CNTN2: variants seen among roughly 807,000 people sequenced by gnomAD.
CNTN2 encodes contactin 2, also known as contactin-2.
A neutral mutation model predicts 117.5 loss-of-function variants in CNTN2; 53 were observed. The observed-to-expected ratio is 0.45, with a 90% CI of 0.36 to 0.57. CNTN2 has a LOEUF of 0.57. Ranked by LOEUF, CNTN2 falls within the 20% of genes least tolerant of loss-of-function variation. CNTN2 has a pLI of 0.00. For synonymous variants in CNTN2, 530 were observed against 561.7 expected (o/e 0.94, Z 0.80); for missense variants, 1,106 against 1,404.3 (o/e 0.79, Z 3.39).
rs771294491 is a variant in CNTN2 at position 205,066,560 on chromosome 1, C to T, written c.1936C>T (p.Arg646Cys). ...CATCGCTAAGTACACCCTGCAAGCT[C>T]GCACTCCACCTGCAGGGAAGTGGAA... ...SPIAKYTLQA[R>C]TPPAGKWKQV... The change falls in exon 15 of 23, where the codon CGC (arginine) becomes TGC (cysteine). Residue 646 changes from arginine (R) to cysteine (C), a missense_variant. Physicochemically the swap from Arg to Cys is radical, Grantham distance 180. Coordinates refer to ENST00000331830, the MANE Select transcript of CNTN2 (RefSeq NM_005076.5). 1.8e-5 allele frequency: 29 copies of T among 1,613,926 alleles called. No individual in the cohort carries two copies. The highest frequency in any genetic ancestry group is 3.3e-4 in the Middle Eastern group (2 of 6,084).
Position 205,061,903 on chromosome 1 carries a change from G to A in CNTN2, c.1012G>A (p.Ala338Thr), listed in dbSNP as rs1356289053. 1 of 1,586,890 alleles carries A rather than the reference G, an allele frequency of 6.3e-7. No individual in the cohort carries two copies. Among genetic ancestry groups the A allele is most frequent in the South Asian group, 1.1e-5 (1 of 87,502 alleles). Residue 338 changes from alanine (A) to threonine (T), a missense_variant, in exon 9 of 23, where the codon GCT (alanine) becomes ACT (threonine). Coordinates refer to ENST00000331830, the MANE Select transcript of CNTN2 (RefSeq NM_005076.5). This position sits in a 1 kb window ranked among gnomAD's most constrained non-coding sequence, Gnocchi z 4.8. ...GCTAAAAGTGATCTCGGACACAGAG[G>A]CTGACATTGGCTCCAACCTGCGTTG... Reference protein sequence around the residue: ...EWLKVISDTEADIGSNLRWGC... With the variant: ...EWLKVISDTETDIGSNLRWGC...
intron 1 of CNTN2, among the ~76,000 whole-genome samples, chr1:205,047,203 C>G (rs1158698813): frequency 1.3e-5 from 2 of 152,132 alleles, no homozygotes; most frequent in Non-Finnish European, 2.9e-5. Context: ...CTGAGGAGGT[C>G]CCTATGTCCC....
intron 2 of CNTN2, among the ~76,000 whole-genome samples, chr1:205,056,475 G>T (rs1293500971): frequency 6.6e-6 from 1 of 152,218 alleles, no homozygotes; most frequent in African/African-American, 2.4e-5. Flanking sequence ...TGGGAGCCCT[G>T]CCTCCTACCT....
At chr1:205,051,801 T>G (rs2096453455) in intron 1 of CNTN2, among the ~76,000 whole-genome samples, 1 of 152,084 alleles carries the variant, frequency 6.6e-6, no homozygotes, top group Non-Finnish European at 1.5e-5. Context: ...GTTTGGGAGC[T>G]CTCTTCCTGA....
At chr1:205,055,642 T>C (rs2096459782) in intron 2 of CNTN2, among the ~76,000 whole-genome samples, 2 of 152,282 alleles carry the variant, frequency 1.3e-5, no homozygotes, top group South Asian at 4.2e-4. Context: ...GTGGTTCTGA[T>C]GGGAAACAGA....
Position 205,073,150 on chromosome 1 carries a change from A to G in CNTN2, c.2927A>G (p.Asp976Gly). 4.3e-6 allele frequency: 7 copies of G among 1,614,144 alleles called. No homozygotes were observed. The highest frequency in any genetic ancestry group is 5.9e-6 in the Non-Finnish European group (7 of 1,180,004). ...KNWIEIPVPEDIGHALVQIRT... is the reference protein window; with the variant it reads ...KNWIEIPVPEGIGHALVQIRT... ...TGGATAGAAATCCCAGTGCCTGAAG[A>G]CATTGGCCATGCCCTGGTACAAATT... Residue 976 changes from aspartate (D) to glycine (G), a missense_variant, in exon 22 of 23, where the codon GAC becomes GGC. By Grantham distance (94) the Asp-to-Gly change is moderately conservative. Coordinates refer to ENST00000331830, the MANE Select transcript of CNTN2 (RefSeq NM_005076.5). The surrounding 1 kb of genome is among the most constrained non-coding windows in gnomAD (Gnocchi z 6.3).
At position 205,073,610 on chromosome 1, in the gene CNTN2, CTAGGGT is replaced by C; in HGVS notation, c.3014-45_3014-40del. ...TCTCAATCTTGCCACAAGGGTGGGG[CTAGGGT>C]AGTCCCAGGCCCAGCTGACTCAGCT... On this transcript the variant is annotated intron_variant, in intron 22 of 22. Coordinates refer to ENST00000331830, the MANE Select transcript of CNTN2 (RefSeq NM_005076.5). The surrounding 1 kb of genome is among the most constrained non-coding windows in gnomAD (Gnocchi z 6.3). The C allele has an allele frequency of 1.3e-6, 2 of 1,557,692 alleles. No individual in the cohort carries two copies. Among genetic ancestry groups the C allele is most frequent in the African/African-American group, 2.7e-5 (2 of 73,962 alleles).
At position 205,073,380 on chromosome 1, in the gene CNTN2, C is replaced by A; in HGVS notation, c.3013+144C>A. ...AGGCAGGAACCAAGTGCAAAGTAGT[C>A]TTAGAACTGCCTCGCCGCCACCTTT... On this transcript the variant is annotated intron_variant, in intron 22 of 22. Transcript: ENST00000331830. This position sits in a 1 kb window ranked among gnomAD's most constrained non-coding sequence, Gnocchi z 6.3. 9.7e-7 allele frequency: 1 copy of A among 1,027,812 alleles called. No homozygotes were observed. Among genetic ancestry groups the A allele is most frequent in the Non-Finnish European group, 1.4e-6 (1 of 713,684 alleles). 63.7% of individuals were successfully genotyped at this position (1,027,812 alleles called of 1,614,324 possible).
At position 205,073,108 on chromosome 1, in the gene CNTN2, A is replaced by T; in HGVS notation, c.2885A>T (p.His962Leu). 1 of 1,614,090 alleles carries T rather than the reference A, an allele frequency of 6.2e-7. No homozygotes were observed. Residue 962 changes from histidine to leucine, a missense_variant, in exon 22 of 23, where the codon CAC (histidine) becomes CTC (leucine). Transcript: ENST00000331830. This position sits in a 1 kb window ranked among gnomAD's most constrained non-coding sequence, Gnocchi z 6.3. ...QNDLHLTPTL[H>L]LTGKNWIEIP... is the part of the protein sequence containing the mutation. ...GACTTACACCTGACTCCCACGCTCCACCTCACCGGCAAGAACTGGATAGAA... is the reference window on the plus strand; with the variant it reads ...GACTTACACCTGACTCCCACGCTCCTCCTCACCGGCAAGAACTGGATAGAA...
intron 15 of CNTN2, 81 bp downstream of exon 15, chr1:205,066,680 C>T (rs1324920202): frequency 1.1e-5 from 17 of 1,521,316 alleles, no homozygotes; most frequent in African/African-American, 5.5e-5. Flanking sequence ...GTTTGGGGAT[C>T]GGGGTCTGAG....
chr1:205,073,827 C>T lies in CNTN2; in HGVS notation c.*62C>T. The T allele has an allele frequency of 7.2e-7, 1 of 1,384,812 alleles. No individual in the cohort carries two copies. The highest frequency in any genetic ancestry group is 1.0e-6 in the Non-Finnish European group (1 of 988,176). The allele number at this position is 1,384,812 out of a possible 1,614,324, so 85.8% of individuals were successfully genotyped here. On this transcript the variant is annotated 3_prime_UTR_variant, in exon 23 of 23. Transcript: ENST00000331830. This position sits in a 1 kb window ranked among gnomAD's most constrained non-coding sequence, Gnocchi z 6.3. ...CACCTCCGACGGACACAGCCAGCCC[C>T]TTCCTGCTGCCAAGGTGGCCTGACA...
Position 205,065,800 on chromosome 1 carries a change from TG to T in CNTN2, c.1711del (p.Asp571IlefsTer2). 2 of 1,471,238 alleles carry T rather than the reference TG, an allele frequency of 1.4e-6. No individual in the cohort carries two copies. The highest frequency in any genetic ancestry group is 1.9e-6 in the Non-Finnish European group (2 of 1,077,630). The allele number at this position is 1,471,238 out of a possible 1,614,324, so 91.1% of individuals were successfully genotyped here. ...YRRTNVKETI[G>X]DLTILNAQLR... The stretch of plus-strand genomic sequence containing the variant: ...GTCCCCGTGTGCAGAAGGAGACCAT[TG>T]GGGATCTGACCATCCTGAACGCCCA... On this transcript the variant is annotated frameshift_variant, in exon 14 of 23. Coordinates refer to ENST00000331830, the MANE Select transcript of CNTN2 (RefSeq NM_005076.5). LOFTEE classifies it high-confidence loss of function. The surrounding 1 kb of genome is among the most constrained non-coding windows in gnomAD (Gnocchi z 4.1).
chr1:205,049,949 C>T (rs2096449459), intron 1 of CNTN2, among the ~76,000 whole-genome samples: 1 of 152,194 alleles, frequency 6.6e-6, no homozygotes, highest in Non-Finnish European at 1.5e-5. Context: ...CAGGTCCAAA[C>T]AGCCCCAAGA....
intron 1 of CNTN2, among the ~76,000 whole-genome samples, 167 bp from the exon 2 acceptor site, chr1:205,052,930 GCTT>G (rs1174532308): frequency 2.0e-5 from 3 of 152,222 alleles, no homozygotes; most frequent in Non-Finnish European, 4.4e-5. Context: ...CCCAGGAAGA[GCTT>G]CTTGGTAATA....
In CNTN2 at chr1:205,066,190, G is replaced by C. The variant is rs1036963338; in HGVS notation, c.1817-251G>C. 9.6e-5 allele frequency: 58 copies of C among 606,390 alleles called. No individual in the cohort carries two copies. In the African/African-American group the frequency reaches 1.1e-3, roughly 11 times the overall value. 37.6% of individuals were successfully genotyped at this position (606,390 alleles called of 1,614,324 possible). On this transcript the variant is annotated intron_variant, in intron 14 of 22. Transcript: ENST00000331830. Reference sequence around the variant, plus strand: ...AAGTTTTCAAAGCCTAGTGCTGGGAGATCTATGCACCTCTCCATGTGACAG... The same window carrying C: ...AAGTTTTCAAAGCCTAGTGCTGGGACATCTATGCACCTCTCCATGTGACAG...
chr1:205,064,085 G>A (rs1479999500), intron 10 of CNTN2, among the ~76,000 whole-genome samples: 1 of 139,070 alleles, frequency 7.2e-6, no homozygotes, highest in Non-Finnish European at 1.6e-5. Flanking sequence ...GCAGAAACAG[G>A]AAGACTGATG....
Position 205,073,045 on chromosome 1 carries a change from A to G in CNTN2, c.2845-23A>G. On this transcript the variant is annotated intron_variant, in intron 21 of 22. Coordinates refer to ENST00000331830, the MANE Select transcript of CNTN2 (RefSeq NM_005076.5). The surrounding 1 kb of genome is among the most constrained non-coding windows in gnomAD (Gnocchi z 6.3). ...ATCAGCCCTGGTGTCAGGAAACTCC[A>G]CCTGGAAACCTCCTTCCCACAGATG... 6.2e-7 allele frequency: 1 copy of G among 1,613,296 alleles called. No individual in the cohort carries two copies. Among genetic ancestry groups the G allele is most frequent in the African/African-American group, 1.3e-5 (1 of 75,002 alleles).
rs1258840676 is a variant in CNTN2 at position 205,048,190 on chromosome 1, C to T, written c.-87+4796C>T. On this transcript the variant is annotated intron_variant, in intron 1 of 22. Coordinates refer to ENST00000331830, the MANE Select transcript of CNTN2 (RefSeq NM_005076.5). This position sits in a 1 kb window ranked among gnomAD's most constrained non-coding sequence, Gnocchi z 4.1. ...GCCAAATCTCTCATTGCTCTCCAAT[C>T]TCCATTACTGGGGAGAAGGGGAGAC... Among the ~76,000 whole-genome samples, 1 of 152,208 alleles carries T rather than the reference C, an allele frequency of 6.6e-6. No homozygotes were observed. The highest frequency in any genetic ancestry group is 1.5e-5 in the Non-Finnish European group (1 of 68,020).
chr1:205,061,609 G>T lies in CNTN2; in HGVS notation c.973+189G>T, dbSNP rs554829359. ...GTGCTGTGGTCACCTCAGAGCTTCA[G>T]TCAGGGGTGCAGAAAGCACACAGGA... On this transcript the variant is annotated intron_variant, in intron 8 of 22. Transcript: ENST00000331830. The surrounding 1 kb of genome is among the most constrained non-coding windows in gnomAD (Gnocchi z 4.8). 6 of 795,816 alleles carry T rather than the reference G, an allele frequency of 7.5e-6. No homozygotes were observed. The East Asian group carries it at 1.4e-4, about 19-fold the overall frequency. The allele number at this position is 795,816 out of a possible 1,614,324, so 49.3% of individuals were successfully genotyped here.
Sources: gnomAD v4.1 joint callset for allele counts (sites outside exome capture counted in the v4.1 genomes callset) on GRCh38, gnomAD v4.1.1 for gene constraint, Gnocchi (gnomAD v3.1) non-coding constraint, MANE v1.5 for transcripts, NCBI Gene and HGNC (gene_info 2026-07-23, HGNC 2026-07-21) for gene names.